DNAJB6: variants seen among roughly 807,000 people sequenced by gnomAD.
DNAJB6 encodes dnaJ homolog subfamily B member 6.
DNAJB6 carries 16 observed loss-of-function variants against 42.7 expected under a neutral mutation model. The observed-to-expected ratio is 0.37, with a 90% CI of 0.25 to 0.57. The LOEUF (loss-of-function observed/expected upper bound fraction) is 0.57, where lower values mean the gene tolerates loss of function less well. Ranked by LOEUF, DNAJB6 falls within the 20% of genes least tolerant of loss-of-function variation. The pLI is 0.74. For missense variants in DNAJB6, 347 were observed against 416.8 expected, an observed-to-expected ratio of 0.83 and a Z score of 1.46; for synonymous variants, 170 against 163.5, an observed-to-expected ratio of 1.04 and a Z score of -0.30.
intron 8 of DNAJB6, among the ~76,000 whole-genome samples, chr7:157,386,477 G>A (rs1188496239): frequency 1.3e-5 from 2 of 152,170 alleles, no homozygotes; most frequent in African/African-American, 2.4e-5. Flanking sequence ...CATATTGTAA[G>A]TTGTGATTTA....
chr7:157,387,724 TCAA>T (rs1801141111), intron 8 of DNAJB6, among the ~76,000 whole-genome samples: 1 of 152,260 alleles, frequency 6.6e-6, no homozygotes, highest in South Asian at 2.1e-4. Context: ...AACAGTTTAC[TCAA>T]CATGGTGTTA....
intron 8 of DNAJB6, among the ~76,000 whole-genome samples, chr7:157,405,154 G>A (rs147010431): frequency 3.3e-4 from 51 of 152,328 alleles, no homozygotes; most frequent in South Asian, 4.1e-4. Context: ...GGGACGCGGC[G>A]ATGGCAGAGA....
intron 8 of DNAJB6, among the ~76,000 whole-genome samples, chr7:157,402,362 C>T (rs891409851): frequency 2.0e-5 from 3 of 152,246 alleles, no homozygotes; most frequent in Non-Finnish European, 2.9e-5. Flanking sequence ...CGTGCAGTGG[C>T]GGGTGCAGCA....
intron 1 of DNAJB6, among the ~76,000 whole-genome samples, chr7:157,353,627 AT>A (rs1554453993): frequency 4.7e-5 from 5 of 107,224 alleles, no homozygotes; most frequent in Non-Finnish European, 7.8e-5. Flanking sequence ...GTGTGTATGT[AT>A]TTTTTTTTGT....
intron 8 of DNAJB6, among the ~76,000 whole-genome samples, chr7:157,395,756 C>T (rs1443896504): frequency 6.8e-6 from 1 of 147,236 alleles, no homozygotes; most frequent in Non-Finnish European, 1.5e-5. Flanking sequence ...GCGATCTCGG[C>T]TCACTGCAAC....
At chr7:157,378,022 A>T (rs1391666799) in intron 5 of DNAJB6, 1 of 152,250 alleles carries the variant, frequency 6.6e-6, no homozygotes, top group Admixed American at 6.5e-5. Context: ...TGTGTATTAC[A>T]TAAGAGGATA....
intron 9 of DNAJB6, chr7:157,414,193 C>T (rs1008908326): frequency 6.6e-6 from 1 of 152,362 alleles, no homozygotes; most frequent in Non-Finnish European, 1.5e-5. Context: ...AAAGGAGCTC[C>T]GTTACTCCCT....
chr7:157,396,817 G>C (rs1801608010), intron 8 of DNAJB6, among the ~76,000 whole-genome samples: 1 of 152,178 alleles, frequency 6.6e-6, no homozygotes, highest in African/African-American at 2.4e-5. Flanking sequence ...TATCCCCCGA[G>C]ACTGAGGAAC....
chr7:157,393,216 T>C (rs1801430919), intron 8 of DNAJB6, among the ~76,000 whole-genome samples: 2 of 152,132 alleles, frequency 1.3e-5, no homozygotes, highest in Non-Finnish European at 2.9e-5. Context: ...CCTCGAGTTA[T>C]CCCGCCCTCC....
intron 9 of DNAJB6, 83 bp downstream of exon 9, chr7:157,410,084 C>G: frequency 4.1e-6 from 6 of 1,460,506 alleles, no homozygotes; most frequent in Non-Finnish European, 5.4e-6. Flanking sequence ...ACAAACCGCG[C>G]CTGGGCTGCT....
rs527840086 is a variant in DNAJB6 at position 157,351,557 on chromosome 7, C to T, written c.-26-6990C>T. Among the ~76,000 whole-genome samples the T allele has an allele frequency of 1.1e-4, 16 of 151,716 alleles. No individual in the cohort carries two copies. In the South Asian group the frequency reaches 3.3e-3, roughly 32 times the overall value. On this transcript the variant is annotated intron_variant, in intron 1 of 9. Coordinates refer to ENST00000262177, the MANE Select transcript of DNAJB6 (RefSeq NM_058246.4). ...CTGAGGCAGGAGAATGGTGTGAACC[C>T]TAGAGGTGGAGTTTGCAGTGAGCTG... is the stretch of plus-strand genomic sequence containing the variant.
At position 157,339,599 on chromosome 7, in the gene DNAJB6, T is replaced by TG. The variant is rs1563103508; in HGVS notation, c.-27+2455_-27+2456insG. Among the ~76,000 whole-genome samples, 26 of 116,112 alleles carry TG rather than the reference T, an allele frequency of 2.2e-4. No homozygotes were observed. In the East Asian group the frequency reaches 3.9e-3, roughly 17 times the overall value. The allele number at this position is 116,112 out of a possible 152,430, so 76.2% of individuals were successfully genotyped here. A position where few individuals can be genotyped will look rare whatever the true frequency, so the allele number is the denominator to read the frequency against. The stretch of plus-strand genomic sequence containing the variant: ...CAGGCATGAGCCACCGCGCCCGGCC[T>TG]TTTGTGTGTGTGTGTGTGTGTGTGT... On this transcript the variant is annotated intron_variant, in intron 1 of 9. Transcript: ENST00000262177.
chr7:157,358,119 G>T (rs1490205122), intron 1 of DNAJB6, among the ~76,000 whole-genome samples: 2 of 152,162 alleles, frequency 1.3e-5, no homozygotes, highest in African/African-American at 4.8e-5. Context: ...CAGGGACAAC[G>T]TGTTTGTCCT....
rs142713894 is a variant in DNAJB6 at position 157,358,788 on chromosome 7, C to CAAG, written c.65+151_65+152insAAG. On this transcript the variant is annotated intron_variant, in intron 2 of 9. Transcript: ENST00000262177. ...TAGTTTAATTTGACAGAGCAGTTAA[C>CAAG]GAGCATTTGCAGTCTAGGCCTGGGC... 1.4e-3 allele frequency: 907 copies of CAAG among 654,314 alleles called. 6 individuals are homozygous for CAAG. The African/African-American group carries it at 0.014, about 10-fold the overall frequency. The allele number at this position is 654,314 out of a possible 1,614,324, so 40.5% of individuals were successfully genotyped here. A position where few individuals can be genotyped will look rare whatever the true frequency, so the allele number is the denominator to read the frequency against.
intron 1 of DNAJB6, among the ~76,000 whole-genome samples, chr7:157,353,834 A>ATT (rs61051299): frequency 9.4e-5 from 14 of 149,602 alleles, no homozygotes; most frequent in African/African-American, 3.4e-4. Flanking sequence ...AGCTACTTAA[A>ATT]TTTTTTTTTT....
Position 157,417,243 on chromosome 7 carries a change from C to G in DNAJB6, c.*1145C>G, listed in dbSNP as rs1445183944. On this transcript the variant is annotated 3_prime_UTR_variant, in exon 10 of 10. Coordinates refer to ENST00000262177, the MANE Select transcript of DNAJB6 (RefSeq NM_058246.4). ...TTTGGCGCAATCCATGTAGCAGTGA[C>G]CCAGGCTTGGGAGCCAGAAACAAGT... 1 of 152,190 alleles carries G rather than the reference C, an allele frequency of 6.6e-6. No individual in the cohort carries two copies. The highest frequency in any genetic ancestry group is 1.5e-5 in the Non-Finnish European group (1 of 68,046). 9.4% of individuals were successfully genotyped at this position (152,190 alleles called of 1,614,324 possible).
chr7:157,356,568 G>C (rs116929787), intron 1 of DNAJB6, among the ~76,000 whole-genome samples: 3,242 of 152,244 alleles, frequency 0.021, 45 homozygotes, highest in East Asian at 0.055. Context: ...CTTATTACAT[G>C]AAGTCCCTAA....
chr7:157,392,432 T>TGTGTGTGTGC (rs1413021557), intron 8 of DNAJB6, among the ~76,000 whole-genome samples: 1 of 151,746 alleles, frequency 6.6e-6, no homozygotes, highest in African/African-American at 2.4e-5. Context: ...TTTACACAGA[T>TGTGTGTGTGC]GTGTGTGTGC....
At chr7:157,396,209 A>T (rs537011186) in intron 8 of DNAJB6, among the ~76,000 whole-genome samples, 1 of 152,234 alleles carries the variant, frequency 6.6e-6, no homozygotes, top group African/African-American at 2.4e-5. Context: ...TCAGCCTCCC[A>T]AAGTGCTGGG....
Sources: allele counts gnomAD v4.1 joint callset (sites outside exome capture counted in the v4.1 genomes callset), GRCh38; gene constraint gnomAD v4.1.1; transcripts MANE v1.5; gene names NCBI Gene and HGNC (gene_info 2026-07-23, HGNC 2026-07-21).